Variants in DAAM1 observed in about 807,000 individuals in gnomAD.
The protein encoded by DAAM1 is disheveled-associated activator of morphogenesis 1.
DAAM1 carries 52 observed loss-of-function variants against 130.0 expected under a neutral mutation model. That is an observed-to-expected ratio of 0.40 (90% CI 0.32 to 0.50). The LOEUF is 0.50. Among genes scored for constraint, DAAM1 ranks in the 20% least tolerant of loss-of-function variants. The pLI is 0.61. For missense variants in DAAM1, 1,134 were observed against 1,303.8 expected (o/e 0.87, Z 2.01); for synonymous variants, 452 against 444.5 (o/e 1.02, Z -0.21).
At chr14:59,305,066 G>T (rs11624112) in intron 3 of DAAM1, among the ~76,000 whole-genome samples, 1 of 152,200 alleles carries the variant, frequency 6.6e-6, no homozygotes, top group African/African-American at 2.4e-5. Context: ...GTAGCAAGAT[G>T]TGAGGCAGCA....
Position 59,368,840 on chromosome 14 carries a change from T to A in DAAM1, c.3188T>A (p.Ile1063Asn). The stretch of plus-strand genomic sequence containing the variant: ...ACTGACAGCAGCAGAGAGAGACCAA[T>A]CACAAAACTTAATTTCTAATTTTCC... ...QMTDSSRERP[I>N]TKLNF Residue 1063 changes from isoleucine to asparagine, a missense_variant, in exon 25 of 25, where the codon ATC becomes AAC. Around this residue, in one of 3 missense-constraint regions of DAAM1, gnomAD observed 644 missense variants for 695.9 expected, o/e 0.93. Coordinates refer to ENST00000360909, the MANE Select transcript of DAAM1 (RefSeq NM_001270520.2). 1 of 1,613,124 alleles carries A rather than the reference T, an allele frequency of 6.2e-7. No individual in the cohort carries two copies. The highest frequency in any genetic ancestry group is 1.1e-5 in the South Asian group (1 of 90,864).
intron 3 of DAAM1, among the ~76,000 whole-genome samples, chr14:59,298,062 C>A (rs184291279): frequency 4.3e-3 from 662 of 152,260 alleles, no homozygotes; most frequent in Non-Finnish European, 7.5e-3. Context: ...CTCCCTCTTA[C>A]CTTAAAATAG....
At position 59,225,751 on chromosome 14, in the gene DAAM1, T is replaced by A. The variant is rs529681104; in HGVS notation, c.-38+36983T>A. Among the ~76,000 whole-genome samples, 280 of 152,358 alleles carry A rather than the reference T, an allele frequency of 1.8e-3. 1 individual carries two copies. The highest frequency in any genetic ancestry group is 6.3e-3 in the African/African-American group (261 of 41,584). ...GCTGGTACAGATTCTGGGCAAGGTT[T>A]GATCTAGTTTCCTTTTTTGTAAAGT... On this transcript the variant is annotated intron_variant, in intron 1 of 24. Transcript: ENST00000360909.
chr14:59,310,197 G>T (rs1415510969), intron 3 of DAAM1, among the ~76,000 whole-genome samples: 1 of 150,386 alleles, frequency 6.6e-6, no homozygotes, highest in African/African-American at 2.4e-5. Flanking sequence ...TGCAACCTCC[G>T]CCTCCCGGTT....
At chr14:59,222,315 A>C (rs1013985079) in intron 1 of DAAM1, among the ~76,000 whole-genome samples, 3 of 152,226 alleles carry the variant, frequency 2.0e-5, no homozygotes, top group African/African-American at 7.2e-5. Context: ...TGGCAGAGGC[A>C]TTGCATGCAG....
chr14:59,301,153 G>A (rs891027969), intron 3 of DAAM1, among the ~76,000 whole-genome samples: 3 of 152,046 alleles, frequency 2.0e-5, no homozygotes, highest in Non-Finnish European at 4.4e-5. Flanking sequence ...TCCAGCATAA[G>A]AAACTGTCAT....
At chr14:59,199,356 C>T (rs78419480) in intron 1 of DAAM1, among the ~76,000 whole-genome samples, 10 of 152,136 alleles carry the variant, frequency 6.6e-5, no homozygotes, top group African/African-American at 1.2e-4. Context: ...CCTCAGCCTC[C>T]GGAGTTGCTG....
rs761804875 is a variant in DAAM1, at chr14:59,330,579, T to C, written c.1451T>C (p.Met484Thr). 1.2e-6 allele frequency: 2 copies of C among 1,614,042 alleles called. No individual in the cohort carries two copies. The highest frequency in any genetic ancestry group is 1.1e-5 in the South Asian group (1 of 91,082). ...DAKTQEKEEMMQTLNKMKEKL... is the reference protein window; with the variant it reads ...DAKTQEKEEMTQTLNKMKEKL... ...AAGACTCAAGAGAAGGAAGAGATGA[T>C]GCAGACCTTAAATAAAATGAAAGAG... Residue 484 changes from methionine (M) to threonine (T), a missense_variant, in exon 13 of 25, where the codon ATG becomes ACG. Met to Thr is a moderately conservative substitution (Grantham distance 81, BLOSUM62 -1). Around this residue, in one of 3 missense-constraint regions of DAAM1, gnomAD observed 391 missense variants for 521.6 expected, o/e 0.75. Coordinates refer to ENST00000360909, the MANE Select transcript of DAAM1 (RefSeq NM_001270520.2).
rs117089131 is a variant in DAAM1, at chr14:59,222,618, A to T, written c.-38+33850A>T. Among the ~76,000 whole-genome samples, 31 of 152,348 alleles carry T rather than the reference A, an allele frequency of 2.0e-4. 1 individual carries two copies. The East Asian group carries it at 3.3e-3, about 16-fold the overall frequency. On this transcript the variant is annotated intron_variant, in intron 1 of 24. Transcript: ENST00000360909. ...CACTTTGTTCATGAGCCACTGGGCG[A>T]TGACAAGTGGCTGGGAAAAGAGGCT...
intron 4 of DAAM1, among the ~76,000 whole-genome samples, chr14:59,316,887 C>T (rs181666670): frequency 2.0e-5 from 3 of 152,302 alleles, no homozygotes; most frequent in African/African-American, 7.2e-5. Flanking sequence ...CTACTAAGTA[C>T]TGTATGGATT....
chr14:59,316,508 T>A (rs548322423), intron 4 of DAAM1, among the ~76,000 whole-genome samples: 2 of 152,298 alleles, frequency 1.3e-5, no homozygotes, highest in African/African-American at 4.8e-5. Flanking sequence ...AGAAACTACA[T>A]AAGTTTTTCC....
rs1214860919 is a variant in DAAM1 at position 59,345,818 on chromosome 14, A to G, written c.2076-1721A>G. On this transcript the variant is annotated intron_variant, in intron 16 of 24. Transcript: ENST00000360909. Reference sequence around the variant, plus strand: ...TGTTAAAATAAGGACCTCATCTTCTATTTCCTTCTTAGTACTCCCAGGCCT... The same window carrying G: ...TGTTAAAATAAGGACCTCATCTTCTGTTTCCTTCTTAGTACTCCCAGGCCT... 2.0e-5 allele frequency among the ~76,000 whole-genome samples: 3 copies of G among 152,196 alleles called. No individual in the cohort carries two copies. In the South Asian group the frequency reaches 6.2e-4, roughly 32 times the overall value.
At chr14:59,352,488 G>A (rs563325449) in intron 17 of DAAM1, 38 bp from the exon 18 acceptor site, 1 of 1,520,752 alleles carries the variant, frequency 6.6e-7, no homozygotes, top group East Asian at 2.3e-5. Context: ...GGATTTAAGT[G>A]ATAAACCTCA....
chr14:59,252,983 G>A (rs574356318), intron 1 of DAAM1, among the ~76,000 whole-genome samples: 1 of 152,246 alleles, frequency 6.6e-6, no homozygotes, highest in African/African-American at 2.4e-5. Flanking sequence ...CTGCTTGGAA[G>A]CTCACACCAA....
intron 1 of DAAM1, among the ~76,000 whole-genome samples, chr14:59,231,565 TC>T (rs1889107244): frequency 6.6e-6 from 1 of 152,176 alleles, no homozygotes; most frequent in Non-Finnish European, 1.5e-5. Context: ...AGACGTTGGC[TC>T]TAGAGTCAGA....
chr14:59,360,707 AGGAT>A, intron 21 of DAAM1, 91 bp from the exon 22 acceptor site: 1 of 1,001,686 alleles, frequency 1.0e-6, no homozygotes, highest in Non-Finnish European at 1.4e-6. Context: ...AAATTAAAAT[AGGAT>A]GGACTTCCAA....
chr14:59,250,094 A>G (rs1181819057), intron 1 of DAAM1, among the ~76,000 whole-genome samples: 1 of 152,222 alleles, frequency 6.6e-6, no homozygotes, highest in East Asian at 1.9e-4. Context: ...AAAGTCCAAT[A>G]AAAGAAAAAA....
chr14:59,272,373 G>A (rs920724008), intron 2 of DAAM1, among the ~76,000 whole-genome samples: 2 of 152,124 alleles, frequency 1.3e-5, no homozygotes, highest in East Asian at 3.9e-4. Flanking sequence ...GAGGCCAGGA[G>A]TTCGAGACCA....
At chr14:59,293,777 A>G (rs1482219519) in intron 3 of DAAM1, among the ~76,000 whole-genome samples, 1 of 152,228 alleles carries the variant, frequency 6.6e-6, no homozygotes, top group South Asian at 2.1e-4. Flanking sequence ...ACTGCAATAA[A>G]TTGGGAAATA....
Sources: gnomAD v4.1 joint callset for allele counts (sites outside exome capture counted in the v4.1 genomes callset) on GRCh38, gnomAD v4.1.1 for gene constraint, gnomAD v4.1.1 regional missense constraint, MANE v1.5 for transcripts, NCBI Gene and HGNC (gene_info 2026-07-23, HGNC 2026-07-21) for gene names.